Variants in ZNF266 observed in about 807,000 individuals in gnomAD.
ZNF266 encodes the protein zinc finger protein 266.
ZNF266 carries 16 observed loss-of-function variants against 16.4 expected under a neutral mutation model. The observed-to-expected ratio is 0.98, with a 90% confidence interval of 0.66 to 1.48. ZNF266 has a LOEUF of 1.48. ZNF266 is among the 40% of genes most tolerant of loss of function. ZNF266 has a pLI of 0.00. For missense variants in ZNF266, 738 were observed against 689.1 expected (o/e 1.07, Z -0.79); for synonymous variants, 262 against 237.9 (o/e 1.10, Z -0.93).
In ZNF266 at chr19:9,414,225, G is replaced by A. The variant is rs2068647173; in HGVS notation, c.901C>T (p.His301Tyr). Residue 301 changes from histidine (H) to tyrosine (Y), a missense_variant, in exon 11 of 11, where the codon CAC (histidine) becomes TAC (tyrosine). Physicochemically the swap from His to Tyr is moderately conservative, Grantham distance 83. Coordinates refer to ENST00000592904, the MANE Select transcript of ZNF266 (RefSeq NM_001370374.1). ...CACTCATAGGGATTGTCTCCAGTGT[G>A]GGTTCCCATGTGAATATTAAGGTAT... ...SAYLNIHMGTHTGDNPYECKE... is the reference protein window; with the variant it reads ...SAYLNIHMGTYTGDNPYECKE... The A allele has an allele frequency of 1.2e-6, 2 of 1,614,192 alleles. No homozygotes were observed. Among genetic ancestry groups the A allele is most frequent in the Non-Finnish European group, 1.7e-6 (2 of 1,180,042 alleles).
At chr19:9,432,904 A>G (rs2071833868) in intron 5 of ZNF266, among the ~76,000 whole-genome samples, 1 of 152,124 alleles carries the variant, frequency 6.6e-6, no homozygotes, top group South Asian at 2.1e-4. Flanking sequence ...TTACTGTTGT[A>G]CAGTTGTATC....
rs2068715903 is a variant in ZNF266, at chr19:9,414,669, CA to C, written c.456del (p.Asp152GlufsTer13). ...TTAAGGCATGAGTGTTCACTGGAGACATCTCCACATTGCTTAACATCACTGA... is the reference window on the plus strand; with the variant it reads ...TTAAGGCATGAGTGTTCACTGGAGACTCTCCACATTGCTTAACATCACTGA... ...GEVSDVKQCG[D>X]VSSEHSCLKT... On this transcript the variant is annotated frameshift_variant, in exon 11 of 11. Transcript: ENST00000592904. LOFTEE classifies it low-confidence loss of function (END_TRUNC). 6.3e-7 allele frequency: 1 copy of C among 1,595,532 alleles called. No individual in the cohort carries two copies. The highest frequency in any genetic ancestry group is 1.7e-5 in the Admixed American group (1 of 59,514).
rs114638142 is a variant in ZNF266, at chr19:9,421,080, C to T, written c.-129-862G>A. Reference sequence around the variant, plus strand: ...AATAAAATTTAATAAAAATTAATCACAATCTTTAATAAATCAAACACAGAA... The same window carrying T: ...AATAAAATTTAATAAAAATTAATCATAATCTTTAATAAATCAAACACAGAA... On this transcript the variant is annotated intron_variant, in intron 5 of 10. Coordinates refer to ENST00000592904, the MANE Select transcript of ZNF266 (RefSeq NM_001370374.1). Among the ~76,000 whole-genome samples, 1,194 of 152,202 alleles carry T rather than the reference C, an allele frequency of 7.8e-3. 9 individuals carry two copies. The highest frequency in any genetic ancestry group is 0.027 in the African/African-American group (1,139 of 41,520).
At chr19:9,426,478 A>T (rs1293482246) in intron 5 of ZNF266, among the ~76,000 whole-genome samples, 1 of 141,216 alleles carries the variant, frequency 7.1e-6, no homozygotes, top group African/African-American at 2.7e-5. Flanking sequence ...TCAGGCAGTT[A>T]AAAGTCTAAG....
chr19:9,432,252 C>T (rs561360156), intron 5 of ZNF266, among the ~76,000 whole-genome samples: 60 of 152,356 alleles, frequency 3.9e-4, no homozygotes, highest in Middle Eastern at 3.4e-3. Context: ...AGCCACTGCA[C>T]CTGGCTTACT....
Position 9,413,959 on chromosome 19 carries a change from A to AGT in ZNF266, c.1166_1167insAC (p.Asp389GlufsTer29). 6.2e-7 allele frequency: 1 copy of AGT among 1,614,136 alleles called. No individual in the cohort carries two copies. The highest frequency in any genetic ancestry group is 8.5e-7 in the Non-Finnish European group (1 of 1,180,030). ...TTCCACATATCTTACATTCAAAGGG[A>AGT]TCCTTTGCAGTGTGAGTTTTTAAAT... On this transcript the variant is annotated frameshift_variant, in exon 11 of 11. Transcript: ENST00000592904. LOFTEE classifies it low-confidence loss of function (END_TRUNC).
intron 5 of ZNF266, among the ~76,000 whole-genome samples, chr19:9,422,011 C>T (rs888255936): frequency 3.3e-5 from 5 of 152,124 alleles, no homozygotes; most frequent in African/African-American, 9.7e-5. Context: ...CCACCACACC[C>T]GGCTAATTTT....
intron 5 of ZNF266, among the ~76,000 whole-genome samples, chr19:9,427,075 C>T (rs2070857800): frequency 6.6e-6 from 1 of 152,086 alleles, no homozygotes; most frequent in Non-Finnish European, 1.5e-5. Context: ...AGGATGAAAA[C>T]TTCTATAAAA....
Position 9,433,069 on chromosome 19 carries a change from C to T in ZNF266, c.-130+599G>A, listed in dbSNP as rs184990786. On this transcript the variant is annotated intron_variant, in intron 5 of 10. Transcript: ENST00000592904. ...ACATAGTGGGACAATTTAGACACAC[C>T]AATTAAGCTAACATGTGCATCTTTG... Among the ~76,000 whole-genome samples, 3 of 152,276 alleles carry T rather than the reference C, an allele frequency of 2.0e-5. No homozygotes were observed. In the East Asian group the frequency reaches 5.8e-4, roughly 29 times the overall value.
At position 9,414,489 on chromosome 19, in the gene ZNF266, AAAC is replaced by A; in HGVS notation, c.634_636del (p.Val212del). On this transcript the variant is annotated inframe_deletion, in exon 11 of 11. Transcript: ENST00000592904. ...TTCTCTCCTGTGCACGTTCTCTGGC[AAAC>A]AACATCTGGGTTCAGGCTGAAGGCT... The A allele has an allele frequency of 1.2e-6, 2 of 1,614,212 alleles. No homozygotes were observed. The highest frequency in any genetic ancestry group is 1.1e-5 in the South Asian group (1 of 91,086).
chr19:9,424,566 G>T (rs55697133), intron 5 of ZNF266, among the ~76,000 whole-genome samples: 1 of 151,966 alleles, frequency 6.6e-6, no homozygotes, highest in South Asian at 2.1e-4. Context: ...AACCTCAAGA[G>T]CAGTGACAGA....
chr19:9,433,944 C>A (rs916881337), intron 4 of ZNF266, 131 bp downstream of exon 4: 1 of 152,190 alleles, frequency 6.6e-6, no homozygotes, highest in Non-Finnish European at 1.5e-5. Flanking sequence ...TGCCACTGCA[C>A]TGGAGCCTGG....
In ZNF266 at chr19:9,422,057, C is replaced by T. The variant is rs187928966; in HGVS notation, c.-129-1839G>A. ...TAGTAGACACGGGGTTTCACCCTGT[C>T]AGCCAGGATGGTCTCGATCTCCTGA... On this transcript the variant is annotated intron_variant, in intron 5 of 10. Transcript: ENST00000592904. 1.8e-3 allele frequency among the ~76,000 whole-genome samples: 277 copies of T among 152,250 alleles called. 6 individuals carry two copies. Among genetic ancestry groups the T allele is most frequent in the Admixed American group, 0.017 (258 of 15,294 alleles).
Position 9,415,761 on chromosome 19 carries a change from G to A in ZNF266, c.317-19C>T. ...TCTGAAGCTGAAGAGAAAAAGAAAT[G>A]TAAGGGTTTGGAGACATACAGGGTA... On this transcript the variant is annotated intron_variant, in intron 9 of 10. Coordinates refer to ENST00000592904, the MANE Select transcript of ZNF266 (RefSeq NM_001370374.1). The A allele has an allele frequency of 6.2e-7, 1 of 1,601,954 alleles. No homozygotes were observed. Among genetic ancestry groups the A allele is most frequent in the Non-Finnish European group, 8.5e-7 (1 of 1,170,030 alleles).
In ZNF266 at chr19:9,413,960, T is replaced by A; in HGVS notation, c.1166A>T (p.Asp389Val). The A allele has an allele frequency of 1.2e-6, 2 of 1,614,188 alleles. No individual in the cohort carries two copies. Among genetic ancestry groups the A allele is most frequent in the Non-Finnish European group, 1.7e-6 (2 of 1,180,038 alleles). Residue 389 changes from aspartate to valine, a missense_variant, in exon 11 of 11, where the codon GAT (aspartate) becomes GTT (valine). Transcript: ENST00000592904. ...TEHLKTHTAKDPFECKICGKS... is the reference protein window; with the variant it reads ...TEHLKTHTAKVPFECKICGKS... ...TCCACATATCTTACATTCAAAGGGA[T>A]CCTTTGCAGTGTGAGTTTTTAAATG...
At position 9,426,350 on chromosome 19, in the gene ZNF266, G is replaced by T. The variant is rs1181369923; in HGVS notation, c.-129-6132C>A. ...TTTACTTAGAAGAAAAAAATAGAGG[G>T]AAAGAAACTGATTGTCTTGAGGTCT... On this transcript the variant is annotated intron_variant, in intron 5 of 10. Transcript: ENST00000592904. Among the ~76,000 whole-genome samples, 6 of 152,154 alleles carry T rather than the reference G, an allele frequency of 3.9e-5. No individual in the cohort carries two copies. The East Asian group carries it at 1.2e-3, about 29-fold the overall frequency.
chr19:9,425,841 G>A (rs2070663889), intron 5 of ZNF266, among the ~76,000 whole-genome samples: 1 of 152,188 alleles, frequency 6.6e-6, no homozygotes, highest in South Asian at 2.1e-4. Context: ...GGAACTGCTG[G>A]GCTGGAGGAA....
In ZNF266 at chr19:9,413,548, G is replaced by A. The variant is rs769337149; in HGVS notation, c.1578C>T (p.Ser526=). ...SSLNNHMRTH[S]AKKPFTCMEC... ...CCATACACGTGAATGGTTTTTTGGC[G>A]CTGTGGGTCCGCATGTGATTATTAA... Residue 526 remains serine (S), a synonymous_variant, in exon 11 of 11, where the codon AGC becomes AGT. Coordinates refer to ENST00000592904, the MANE Select transcript of ZNF266 (RefSeq NM_001370374.1). 2.1e-5 allele frequency: 34 copies of A among 1,613,908 alleles called. No homozygotes were observed. Among genetic ancestry groups the A allele is most frequent in the African/African-American group, 5.3e-5 (4 of 74,890 alleles).
intron 5 of ZNF266, among the ~76,000 whole-genome samples, chr19:9,422,159 CCTTT>C (rs1258833605): frequency 1.1e-5 from 1 of 92,492 alleles, no homozygotes; most frequent in Non-Finnish European, 2.3e-5. Flanking sequence ...CACAACAAAA[CCTTT>C]TTTTTATCAT....
Sources: gnomAD v4.1 joint callset for allele counts (sites outside exome capture counted in the v4.1 genomes callset) on GRCh38, gnomAD v4.1.1 for gene constraint, MANE v1.5 for transcripts, NCBI Gene and HGNC (gene_info 2026-07-23, HGNC 2026-07-21) for gene names.